PBX1: variants seen among roughly 807,000 people sequenced by gnomAD.
PBX1 encodes pre-B-cell leukemia transcription factor 1.
PBX1 carries 6 observed loss-of-function variants against 53.4 expected under a neutral mutation model. That is an observed-to-expected ratio of 0.11 (90% CI 0.06 to 0.22). The LOEUF is 0.22. PBX1 is among the 10% of genes least tolerant of loss of function. PBX1 has a pLI of 1.00. For missense variants in PBX1, 251 were observed against 551.4 expected, an observed-to-expected ratio of 0.46 and a Z score of 5.46; for synonymous variants, 204 against 212.3, an observed-to-expected ratio of 0.96 and a Z score of 0.34.
chr1:164,808,029 G>GTCA (rs1274634936), intron 5 of PBX1, among the ~76,000 whole-genome samples: 1 of 152,160 alleles, frequency 6.6e-6, no homozygotes, highest in Non-Finnish European at 1.5e-5. Flanking sequence ...TTCAAATTCA[G>GTCA]TCAATTCCTT....
chr1:164,647,158 A>G (rs1659503866), intron 2 of PBX1, among the ~76,000 whole-genome samples: 1 of 152,248 alleles, frequency 6.6e-6, no homozygotes, highest in Non-Finnish European at 1.5e-5. Context: ...ACCAATGCCT[A>G]GTATGAATTA....
chr1:164,794,399 G>A (rs188908771), intron 3 of PBX1, among the ~76,000 whole-genome samples: 84 of 152,222 alleles, frequency 5.5e-4, no homozygotes, highest in African/African-American at 1.9e-3. Context: ...TCTCTTTTAT[G>A]AGGGCAGAAA....
intron 2 of PBX1, chr1:164,700,382 AG>A (rs1340223645): frequency 1.1e-6 from 1 of 870,390 alleles, no homozygotes; most frequent in African/African-American, 1.8e-5. Context: ...AGGCACATCA[AG>A]GGAGCGTGAG....
chr1:164,826,029 G>T (rs970235026), intron 8 of PBX1, among the ~76,000 whole-genome samples: 12 of 152,080 alleles, frequency 7.9e-5, no homozygotes, highest in Non-Finnish European at 1.6e-4. Context: ...GGGAAACTTA[G>T]GTCCTTCTTG....
intron 2 of PBX1, among the ~76,000 whole-genome samples, chr1:164,788,778 T>C (rs1668337919): frequency 7.3e-6 from 1 of 136,812 alleles, no homozygotes; most frequent in East Asian, 2.6e-4. Context: ...TTCTTTTCAT[T>C]CTTTTGTTTT....
At position 164,846,727 on chromosome 1, in the gene PBX1, G is replaced by T. The variant is rs946028772; in HGVS notation, c.*51G>T. The T allele has an allele frequency of 1.2e-6, 2 of 1,613,492 alleles. No individual in the cohort carries two copies. Among genetic ancestry groups the T allele is most frequent in the East Asian group, 2.2e-5 (1 of 44,824 alleles). On this transcript the variant is annotated 3_prime_UTR_variant, in exon 9 of 9. Coordinates refer to ENST00000420696, the MANE Select transcript of PBX1 (RefSeq NM_002585.4). Reference sequence around the variant, plus strand: ...ACCCTGTGCCCCAGTTGGGGCAGGGGCAGGAGGGAGGGTTTCTCTCCCAAC... The same window carrying T: ...ACCCTGTGCCCCAGTTGGGGCAGGGTCAGGAGGGAGGGTTTCTCTCCCAAC...
chr1:164,593,634 G>A (rs940247936), intron 2 of PBX1, among the ~76,000 whole-genome samples: 1 of 28,310 alleles, frequency 3.5e-5, no homozygotes, highest in African/African-American at 9.7e-5. Context: ...CGGGGTGGGG[G>A]CTGGAAAAAT....
intron 2 of PBX1, among the ~76,000 whole-genome samples, chr1:164,723,813 G>A (rs1396137717): frequency 1.3e-5 from 2 of 152,214 alleles, no homozygotes; most frequent in African/African-American, 4.8e-5. Flanking sequence ...ATAATCATAA[G>A]CTGCCGAGTC....
At chr1:164,620,775 C>T (rs1657617378) in intron 2 of PBX1, among the ~76,000 whole-genome samples, 1 of 151,968 alleles carries the variant, frequency 6.6e-6, no homozygotes, top group South Asian at 2.1e-4. Context: ...CTCTGCCTCC[C>T]GGGCTTAAGC....
chr1:164,830,751 C>T (rs1442582999), intron 8 of PBX1, among the ~76,000 whole-genome samples: 1 of 152,170 alleles, frequency 6.6e-6, no homozygotes, highest in Non-Finnish European at 1.5e-5. Flanking sequence ...CCTTTGCTGG[C>T]AGCCTCTGCC....
chr1:164,833,945 A>AT (rs979168173), intron 8 of PBX1, among the ~76,000 whole-genome samples: 4 of 126,168 alleles, frequency 3.2e-5, no homozygotes, highest in Non-Finnish European at 6.7e-5. Flanking sequence ...CCTCCAACTT[A>AT]TTTATATTGC....
intron 2 of PBX1, among the ~76,000 whole-genome samples, chr1:164,618,297 CGGGGGG>C (rs141131624): frequency 5.5e-5 from 1 of 18,106 alleles, no homozygotes; most frequent in South Asian, 3.5e-3. Context: ...ATAATCACGG[CGGGGGG>C]GGGGGGGCAC....
At chr1:164,763,730 A>G (rs1666923580) in intron 2 of PBX1, among the ~76,000 whole-genome samples, 1 of 152,216 alleles carries the variant, frequency 6.6e-6, no homozygotes, top group Non-Finnish European at 1.5e-5. Flanking sequence ...TATTGGGTGT[A>G]ATTGTACACA....
At chr1:164,611,432 G>C (rs1441222436) in intron 2 of PBX1, among the ~76,000 whole-genome samples, 2 of 152,032 alleles carry the variant, frequency 1.3e-5, no homozygotes, top group East Asian at 3.9e-4. Flanking sequence ...TAGAGACGGG[G>C]TTTCACCGTG....
At chr1:164,576,858 C>T (rs546821079) in intron 2 of PBX1, 1 of 152,426 alleles carries the variant, frequency 6.6e-6, no homozygotes, top group South Asian at 2.1e-4. Flanking sequence ...GGAGCCGGGC[C>T]TAGGGTCTGT....
At chr1:164,645,378 T>G (rs1370296550) in intron 2 of PBX1, among the ~76,000 whole-genome samples, 1 of 152,192 alleles carries the variant, frequency 6.6e-6, no homozygotes, top group Non-Finnish European at 1.5e-5. Context: ...TGTCACTGTC[T>G]CTGTTCCCAA....
chr1:164,585,301 T>C (rs1156270269), intron 2 of PBX1, among the ~76,000 whole-genome samples: 2 of 152,218 alleles, frequency 1.3e-5, no homozygotes, highest in African/African-American at 2.4e-5. Flanking sequence ...ATCTCAAACT[T>C]GGCTGTCACT....
intron 2 of PBX1, among the ~76,000 whole-genome samples, chr1:164,706,672 G>A (rs1686179): frequency 1 from 152,183 of 152,296 alleles, 76,036 homozygotes; most frequent in Non-Finnish European, 1. Context: ...TATAGCCTTG[G>A]TGCTTTACAA....
At chr1:164,650,486 G>A (rs531442449) in intron 2 of PBX1, among the ~76,000 whole-genome samples, 2 of 152,112 alleles carry the variant, frequency 1.3e-5, no homozygotes, top group South Asian at 2.1e-4. Flanking sequence ...TCAGACTCCC[G>A]AAGTGCTAGG....
Sources: gnomAD v4.1 joint callset for allele counts (sites outside exome capture counted in the v4.1 genomes callset) on GRCh38, gnomAD v4.1.1 for gene constraint, MANE v1.5 for transcripts, NCBI Gene and HGNC (gene_info 2026-07-23, HGNC 2026-07-21) for gene names.